QKI: variants seen among roughly 807,000 people sequenced by gnomAD.
QKI encodes the protein KH domain-containing RNA-binding protein QKI.
Under a neutral mutation model 39.0 loss-of-function variants are expected in QKI, and 10 were observed. The observed-to-expected ratio is 0.26, with a 90% CI of 0.16 to 0.43. The LOEUF (loss-of-function observed/expected upper bound fraction) is 0.43, where lower values mean the gene tolerates loss of function less well. Among genes scored for constraint, QKI ranks in the 20% least tolerant of loss-of-function variants. The pLI is 1.00. For missense variants in QKI, 218 were observed against 428.0 expected, an observed-to-expected ratio of 0.51 and a Z score of 4.33; for synonymous variants, 204 against 155.4, an observed-to-expected ratio of 1.31 and a Z score of -2.33.
chr6:163,569,328 T>C, intron 7 of QKI: 1 of 1,108,998 alleles, frequency 9.0e-7, no homozygotes, highest in Non-Finnish European at 1.1e-6. Flanking sequence ...CAGTCCATTA[T>C]TTTGGATCAT....
At chr6:163,481,909 G>A (rs1359140428) in intron 3 of QKI, among the ~76,000 whole-genome samples, 1 of 152,164 alleles carries the variant, frequency 6.6e-6, no homozygotes, top group African/African-American at 2.4e-5. Context: ...AAACTAGGCT[G>A]GGCACAGTGG....
intron 1 of QKI, among the ~76,000 whole-genome samples, chr6:163,454,640 ATCT>A (rs1790797608): frequency 6.6e-6 from 1 of 151,702 alleles, no homozygotes. Flanking sequence ...CTTGGTTTGG[ATCT>A]TCTTTTCCTT....
At chr6:163,461,454 G>A (rs1358272253) in intron 2 of QKI, among the ~76,000 whole-genome samples, 1 of 152,166 alleles carries the variant, frequency 6.6e-6, no homozygotes, top group Non-Finnish European at 1.5e-5. Context: ...AGAACAAAAT[G>A]AAAGATGGGG....
At chr6:163,528,319 C>T (rs184020109) in intron 3 of QKI, among the ~76,000 whole-genome samples, 1 of 152,242 alleles carries the variant, frequency 6.6e-6, no homozygotes, top group African/African-American at 2.4e-5. Context: ...TTCCACTATT[C>T]TGTGTTCCGT....
At chr6:163,514,177 G>C (rs9295222) in intron 3 of QKI, among the ~76,000 whole-genome samples, 119,566 of 152,022 alleles carry the variant, frequency 0.79, 47,195 homozygotes, top group East Asian at 1. Context: ...GCTTACTGCT[G>C]CCTAGCTTAT....
intron 3 of QKI, among the ~76,000 whole-genome samples, chr6:163,491,612 A>G (rs1778059134): frequency 6.6e-6 from 1 of 152,216 alleles, no homozygotes; most frequent in African/African-American, 2.4e-5. Flanking sequence ...AAGATAGAAG[A>G]GTACAAAACA....
chr6:163,555,706 C>T (rs1008974352), intron 4 of QKI, among the ~76,000 whole-genome samples: 2 of 151,972 alleles, frequency 1.3e-5, no homozygotes, highest in Non-Finnish European at 2.9e-5. Context: ...TGTTCAATGC[C>T]CTGAATGCTG....
intron 1 of QKI, among the ~76,000 whole-genome samples, chr6:163,441,461 C>T (rs931621186): frequency 6.6e-6 from 1 of 152,150 alleles, no homozygotes; most frequent in African/African-American, 2.4e-5. Flanking sequence ...GGTGTTTTTT[C>T]TCCAAGGATG....
chr6:163,543,005 T>A (rs1012996392), intron 4 of QKI, among the ~76,000 whole-genome samples: 1 of 152,044 alleles, frequency 6.6e-6, no homozygotes, highest in African/African-American at 2.4e-5. Flanking sequence ...TTTAAAAGTT[T>A]GCATTTTGTG....
At chr6:163,474,699 G>A (rs752167902) in intron 2 of QKI, among the ~76,000 whole-genome samples, 4 of 151,516 alleles carry the variant, frequency 2.6e-5, no homozygotes, top group Non-Finnish European at 5.9e-5. Context: ...TTAGGCACTG[G>A]GGTGGAGTGG....
Position 163,439,354 on chromosome 6 carries a change from T to TG in QKI, c.143-15925_143-15924insG, listed in dbSNP as rs201292493. On this transcript the variant is annotated intron_variant, in intron 1 of 7. Transcript: ENST00000361752. ...GGTTTTTTTTTGTTTTTTTTTTTTT[T>TG]CGGGGGGGTGGGGGACGGAGTCTCA... 7.1e-3 allele frequency among the ~76,000 whole-genome samples: 948 copies of TG among 133,094 alleles called. 23 individuals carry two copies. The highest frequency in any genetic ancestry group is 9.2e-3 in the African/African-American group (320 of 34,776). The allele number at this position is 133,094 out of a possible 152,430, so 87.3% of individuals were successfully genotyped here. A position where few individuals can be genotyped will look rare whatever the true frequency, so the allele number is the denominator to read the frequency against.
chr6:163,438,079 A>T (rs1210334360), intron 1 of QKI, among the ~76,000 whole-genome samples: 1 of 152,198 alleles, frequency 6.6e-6, no homozygotes, highest in African/African-American at 2.4e-5. Context: ...AACCTGTTAC[A>T]TTCTACCTTC....
chr6:163,545,836 T>C (rs1781831735), intron 4 of QKI, among the ~76,000 whole-genome samples: 1 of 151,872 alleles, frequency 6.6e-6, no homozygotes, highest in South Asian at 2.1e-4. Flanking sequence ...TAGGATATAT[T>C]TATTAAATTA....
In QKI at chr6:163,570,714, A is replaced by G. The variant is rs775884744; in HGVS notation, c.*4A>G. On this transcript the variant is annotated 3_prime_UTR_variant, in exon 8 of 8. Transcript: ENST00000361752. The stretch of plus-strand genomic sequence containing the variant: ...CCCAGCCGCCACCGGCAACTAACCT[A>G]TGACCTTCTGACCTCTGAACTCTTC... The G allele has an allele frequency of 1.9e-6, 3 of 1,612,030 alleles. No homozygotes were observed. Among genetic ancestry groups the G allele is most frequent in the Non-Finnish European group, 2.5e-6 (3 of 1,179,462 alleles).
At chr6:163,438,099 TGTATAGTA>T (rs1471703603) in intron 1 of QKI, among the ~76,000 whole-genome samples, 7 of 152,160 alleles carry the variant, frequency 4.6e-5, no homozygotes, top group Non-Finnish European at 1.0e-4. Context: ...CCTTTTGCTA[TGTATAGTA>T]GATCTACATG....
At chr6:163,477,475 G>A (rs563788079) in intron 2 of QKI, among the ~76,000 whole-genome samples, 1 of 152,316 alleles carries the variant, frequency 6.6e-6, no homozygotes, top group South Asian at 2.1e-4. Context: ...TAAATTGGAA[G>A]TACTTTGTTA....
intron 4 of QKI, among the ~76,000 whole-genome samples, chr6:163,543,374 A>T (rs903914201): frequency 6.6e-6 from 1 of 151,474 alleles, no homozygotes; most frequent in Non-Finnish European, 1.5e-5. Context: ...CTCTCATGTA[A>T]AGAAAGGTGT....
At chr6:163,522,839 T>C (rs539901417) in intron 3 of QKI, among the ~76,000 whole-genome samples, 4 of 152,206 alleles carry the variant, frequency 2.6e-5, no homozygotes, top group South Asian at 4.1e-4. Flanking sequence ...GTGTGCACGA[T>C]TACATGAAGA....
chr6:163,535,411 C>T (rs1040834881), intron 4 of QKI, among the ~76,000 whole-genome samples: 16 of 152,116 alleles, frequency 1.1e-4, no homozygotes, highest in African/African-American at 3.6e-4. Context: ...GTTTCTCTTT[C>T]CCCATCTCTT....
Sources: allele counts gnomAD v4.1 joint callset (sites outside exome capture counted in the v4.1 genomes callset), GRCh38; gene constraint gnomAD v4.1.1; transcripts MANE v1.5; gene names NCBI Gene and HGNC (gene_info 2026-07-23, HGNC 2026-07-21).